The following PCDH15 variants were observed in gnomAD, a reference collection of about 807,000 sequenced individuals.
PCDH15 encodes the protein protocadherin-15.
A neutral mutation model predicts 178.5 loss-of-function variants in PCDH15; 129 were observed. The ratio of observed to expected loss-of-function variants is 0.72; its 90% CI spans 0.63 to 0.84. PCDH15 has a LOEUF of 0.84. PCDH15 is among the 40% of genes least tolerant of loss of function. PCDH15 has a pLI of 0.00. For synonymous variants in PCDH15, 800 were observed against 732.0 expected (o/e 1.09, Z -1.50); for missense variants, 2,230 against 2,099.9 (o/e 1.06, Z -1.21).
intron 15 of PCDH15, among the ~76,000 whole-genome samples, chr10:54,118,273 C>CA (rs2132816000): frequency 6.6e-6 from 1 of 152,192 alleles, no homozygotes; most frequent in Non-Finnish European, 1.5e-5. Context: ...ACAAAGTACA[C>CA]AAAAATAGGC....
intron 2 of PCDH15, among the ~76,000 whole-genome samples, chr10:55,387,454 A>G (rs1837690644): frequency 6.6e-6 from 1 of 152,178 alleles, no homozygotes; most frequent in Non-Finnish European, 1.5e-5. Context: ...AATTCCTAAC[A>G]TAAGCGAACA....
rs565776650 is a variant in PCDH15 at position 55,316,188 on chromosome 10, C to T, written c.-156+3411G>A. ...TTGAGTACCTACACCAATACATATG[C>T]TACTGTAAATAAATAATATTGTCAC... On this transcript the variant is annotated intron_variant, in intron 1 of 5. Coordinates refer to the PCDH15 transcript ENST00000458638. Among the ~76,000 whole-genome samples the T allele has an allele frequency of 5.3e-5, 8 of 152,190 alleles. No homozygotes were observed. The East Asian group carries it at 7.7e-4, about 15-fold the overall frequency.
intron 8 of PCDH15, among the ~76,000 whole-genome samples, chr10:54,315,208 G>C (rs1207506392): frequency 6.6e-6 from 1 of 151,974 alleles, no homozygotes; most frequent in Non-Finnish European, 1.5e-5. Context: ...GTTATTTTTT[G>C]ACTTTTTAAT....
At chr10:54,916,600 C>T (rs919784153) in intron 2 of PCDH15, among the ~76,000 whole-genome samples, 1 of 152,020 alleles carries the variant, frequency 6.6e-6, no homozygotes, top group Non-Finnish European at 1.5e-5. Flanking sequence ...AATCATTTTC[C>T]ATCCTATGGC....
chr10:54,305,454 A>G (rs2060407154), intron 8 of PCDH15, among the ~76,000 whole-genome samples: 1 of 152,066 alleles, frequency 6.6e-6, no homozygotes, highest in African/African-American at 2.4e-5. Context: ...TATTATAAAA[A>G]GTAAAATATA....
At chr10:55,602,215 C>G (rs77309758) in intron 2 of PCDH15, among the ~76,000 whole-genome samples, 1 of 152,188 alleles carries the variant, frequency 6.6e-6, no homozygotes, top group Non-Finnish European at 1.5e-5. Flanking sequence ...GATTATACCC[C>G]GCACCTGGCT....
intron 8 of PCDH15, 145 bp from the exon 9 acceptor site, chr10:54,237,076 T>C: frequency 1.3e-6 from 1 of 752,464 alleles, no homozygotes; most frequent in Non-Finnish European, 2.3e-6. Context: ...TACCTTTTAC[T>C]AGTTAATTTT....
intron 2 of PCDH15, among the ~76,000 whole-genome samples, chr10:55,420,171 T>C (rs1007335729): frequency 6.6e-6 from 1 of 151,688 alleles, no homozygotes; most frequent in Non-Finnish European, 1.5e-5. Flanking sequence ...TTTAATTACA[T>C]GTGACAATTA....
intron 2 of PCDH15, among the ~76,000 whole-genome samples, chr10:55,076,459 CT>C (rs560112084): frequency 1.4e-5 from 2 of 145,212 alleles, no homozygotes; most frequent in East Asian, 2.0e-4. Flanking sequence ...CTTGGTGACT[CT>C]TTTTTTTTGG....
chr10:53,870,634 G>A (rs575552944), intron 26 of PCDH15, among the ~76,000 whole-genome samples: 4 of 152,238 alleles, frequency 2.6e-5, no homozygotes, highest in East Asian at 1.9e-4. Context: ...TCCAATGGGT[G>A]CCATACTTAA....
At chr10:54,025,584 C>T (rs995911484) in intron 18 of PCDH15, among the ~76,000 whole-genome samples, 29 of 151,670 alleles carry the variant, frequency 1.9e-4, no homozygotes, top group African/African-American at 6.0e-4. Flanking sequence ...CTGCAACCTC[C>T]GCCTTCTGGG....
At chr10:55,074,370 A>G (rs1209388731) in intron 2 of PCDH15, among the ~76,000 whole-genome samples, 2 of 152,122 alleles carry the variant, frequency 1.3e-5, no homozygotes, top group Non-Finnish European at 2.9e-5. Context: ...TCTTACCAAC[A>G]TCAGTTGTTT....
At chr10:55,571,904 T>C (rs961900410) in intron 2 of PCDH15, among the ~76,000 whole-genome samples, 1 of 152,194 alleles carries the variant, frequency 6.6e-6, no homozygotes, top group East Asian at 1.9e-4. Flanking sequence ...GCAATAAAAG[T>C]GTGTAAGGAA....
chr10:55,098,523 G>T (rs995726251), intron 2 of PCDH15, among the ~76,000 whole-genome samples: 1 of 152,064 alleles, frequency 6.6e-6, no homozygotes, highest in Non-Finnish European at 1.5e-5. Flanking sequence ...TGTGCCAATA[G>T]GAAAAGGCTA....
At chr10:54,407,186 CAG>C (rs1565194115) in intron 3 of PCDH15, among the ~76,000 whole-genome samples, 1 of 151,974 alleles carries the variant, frequency 6.6e-6, no homozygotes. Flanking sequence ...GAAAACAAAT[CAG>C]TGGTTGCTTG....
chr10:54,707,093 T>C (rs1448602221), intron 1 of PCDH15, among the ~76,000 whole-genome samples: 1 of 152,210 alleles, frequency 6.6e-6, no homozygotes, highest in Admixed American at 6.5e-5. Context: ...GGTATACTCC[T>C]AGAGGCTGAC....
At position 54,527,813 on chromosome 10, in the gene PCDH15, A is replaced by G; in HGVS notation, c.156T>C (p.Asn52=). 1 of 1,607,474 alleles carries G rather than the reference A, an allele frequency of 6.2e-7. No homozygotes were observed. The highest frequency in any genetic ancestry group is 1.7e-5 in the Admixed American group (1 of 59,700). The change falls in exon 3 of 38, where the codon AAT becomes AAC. Residue 52 remains asparagine, a splice_region_variant and synonymous_variant. Coordinates refer to ENST00000644397, the MANE Select transcript of PCDH15 (RefSeq NM_001384140.1). ...TTGTAAAATAAAAAACTCACTTACC[A>G]TTCCGACTTTCTTCATCAATAGCAA... ...TIVAIDEESR[N]GTILVDNMLI... is the part of the protein sequence containing the mutation.
chr10:55,373,159 G>A (rs1022343012), intron 2 of PCDH15, among the ~76,000 whole-genome samples: 12 of 152,122 alleles, frequency 7.9e-5, no homozygotes, highest in Non-Finnish European at 1.8e-4. Context: ...AGAAGCAGCA[G>A]AAGTAAATTT....
intron 2 of PCDH15, among the ~76,000 whole-genome samples, chr10:54,932,645 T>G (rs1837808955): frequency 6.6e-6 from 1 of 152,104 alleles, no homozygotes; most frequent in Non-Finnish European, 1.5e-5. Context: ...CAAGCAATCC[T>G]CCTGTCTCAG....
Sources: allele counts gnomAD v4.1 joint callset (sites outside exome capture counted in the v4.1 genomes callset), GRCh38; gene constraint gnomAD v4.1.1; transcripts MANE v1.5; gene names NCBI Gene and HGNC (gene_info 2026-07-23, HGNC 2026-07-21).